The following RNF150 variants were observed in gnomAD, a reference collection of about 807,000 sequenced individuals.
The protein encoded by RNF150 is ring finger protein 150.
A neutral mutation model predicts 39.3 loss-of-function variants in RNF150; 24 were observed. The observed-to-expected ratio is 0.61, with a 90% CI of 0.44 to 0.86. The LOEUF (loss-of-function observed/expected upper bound fraction) is 0.86. Among genes scored for constraint, RNF150 ranks in the 40% least tolerant of loss-of-function variants. The pLI is 0.00. For synonymous variants in RNF150, 255 were observed against 227.3 expected, an observed-to-expected ratio of 1.12 and a Z score of -1.10; for missense variants, 502 against 587.8, an observed-to-expected ratio of 0.85 and a Z score of 1.51.
At chr4:141,071,662 A>G (rs947593258) in intron 1 of RNF150, among the ~76,000 whole-genome samples, 1 of 152,158 alleles carries the variant, frequency 6.6e-6, no homozygotes, top group African/African-American at 2.4e-5. Context: ...ACAACATCCT[A>G]TGACTCTTGA....
At chr4:141,137,601 A>G (rs886118389), upstream of RNF150, among the ~76,000 whole-genome samples, 28 of 152,196 alleles carry the variant, frequency 1.8e-4, no homozygotes, top group African/African-American at 6.8e-4. Flanking sequence ...GAAAGAATCG[A>G]GAGTTTGGAC....
chr4:141,076,878 G>C (rs1507175), intron 1 of RNF150, among the ~76,000 whole-genome samples: 114,945 of 151,990 alleles, frequency 0.76, 44,941 homozygotes, highest in Non-Finnish European at 0.87. Context: ...GCAGTTTCTC[G>C]CATGGTCTAG....
intron 1 of RNF150, among the ~76,000 whole-genome samples, chr4:141,073,649 T>C (rs1241288866): frequency 8.4e-6 from 1 of 118,726 alleles, no homozygotes; most frequent in Non-Finnish European, 1.9e-5. Context: ...CAGCAATTAA[T>C]ACAATATCAA....
intron 1 of RNF150, among the ~76,000 whole-genome samples, chr4:141,177,250 A>T (rs1009345719): frequency 3.3e-5 from 5 of 151,996 alleles, no homozygotes; most frequent in Admixed American, 1.3e-4. Flanking sequence ...TGTATTTCAG[A>T]TTCCTTCCAG....
chr4:141,190,380 T>C (rs900362712), intron 1 of RNF150, among the ~76,000 whole-genome samples: 5 of 152,204 alleles, frequency 3.3e-5, no homozygotes, highest in African/African-American at 9.7e-5. Flanking sequence ...AGTCTTCTCC[T>C]GGCTTTGAAA....
intron 5 of RNF150, among the ~76,000 whole-genome samples, chr4:140,918,414 A>G (rs1730942853): frequency 6.6e-6 from 1 of 152,240 alleles, no homozygotes; most frequent in Non-Finnish European, 1.5e-5. Context: ...ACCTCTACAC[A>G]AATAAACTAG....
intron 1 of RNF150, among the ~76,000 whole-genome samples, chr4:141,030,128 A>T (rs1029954355): frequency 7.2e-5 from 11 of 151,984 alleles, no homozygotes; most frequent in Admixed American, 2.0e-4. Flanking sequence ...CAGGAGGCAG[A>T]GCTTGCAGTG....
chr4:141,177,445 A>G (rs1727832645), intron 1 of RNF150, among the ~76,000 whole-genome samples: 1 of 147,758 alleles, frequency 6.8e-6, no homozygotes, highest in African/African-American at 2.5e-5. Context: ...AACATTTTAG[A>G]TATTTGAAAA....
At chr4:140,889,790 A>G (rs1213721012) in intron 6 of RNF150, among the ~76,000 whole-genome samples, 1 of 151,980 alleles carries the variant, frequency 6.6e-6, no homozygotes, top group African/African-American at 2.4e-5. Flanking sequence ...CCTCATTTTC[A>G]TTTTATTTTT....
At chr4:140,918,492 T>G (rs772745534) in intron 5 of RNF150, among the ~76,000 whole-genome samples, 2 of 152,146 alleles carry the variant, frequency 1.3e-5, no homozygotes, top group Non-Finnish European at 2.9e-5. Context: ...CAGGAAGAAG[T>G]TGAATCTCTG....
intron 5 of RNF150, among the ~76,000 whole-genome samples, chr4:140,913,951 G>C (rs796612252): frequency 3.3e-5 from 5 of 152,216 alleles, no homozygotes; most frequent in African/African-American, 7.2e-5. Flanking sequence ...AAAACTAACT[G>C]TGGGAGAGGT....
At chr4:141,058,174 A>C (rs1737065628) in intron 1 of RNF150, among the ~76,000 whole-genome samples, 1 of 152,198 alleles carries the variant, frequency 6.6e-6, no homozygotes, top group South Asian at 2.1e-4. Context: ...GAATTGTGTT[A>C]TTAAAGTAAA....
intron 4 of RNF150, among the ~76,000 whole-genome samples, chr4:140,943,881 A>G: frequency 6.6e-6 from 1 of 152,228 alleles, no homozygotes; most frequent in East Asian, 1.9e-4. Flanking sequence ...AGAAACTAGT[A>G]TCTTCCCTAA....
chr4:141,020,869 G>A (rs906111488), intron 1 of RNF150, among the ~76,000 whole-genome samples: 5 of 152,120 alleles, frequency 3.3e-5, no homozygotes, highest in Admixed American at 6.6e-5. Flanking sequence ...TGCATTGGAC[G>A]TGAAAATAAA....
intron 1 of RNF150, among the ~76,000 whole-genome samples, chr4:141,009,124 C>T (rs1436948789): frequency 2.6e-5 from 4 of 152,048 alleles, no homozygotes; most frequent in African/African-American, 4.8e-5. Context: ...TTATCAAGAA[C>T]GTGGAGCAAC....
At chr4:141,143,753 A>G (rs1046512085) in intron 1 of RNF150, among the ~76,000 whole-genome samples, 1 of 152,056 alleles carries the variant, frequency 6.6e-6, no homozygotes. Flanking sequence ...ACATGCAACA[A>G]GCTTTGGTTC....
At chr4:140,945,591 T>TATAC (rs1246939020) in intron 4 of RNF150, among the ~76,000 whole-genome samples, 3 of 144,570 alleles carry the variant, frequency 2.1e-5, no homozygotes, top group Non-Finnish European at 1.5e-5. Context: ...ATACTACATA[T>TATAC]ATACATATAT....
intron 1 of RNF150, among the ~76,000 whole-genome samples, chr4:141,046,044 T>A (rs1395528118): frequency 2.6e-5 from 4 of 152,078 alleles, no homozygotes; most frequent in Non-Finnish European, 5.9e-5. Flanking sequence ...AAAAATGACG[T>A]CATAGGAAAG....
At chr4:140,931,359 A>AT (rs771935729) in intron 4 of RNF150, among the ~76,000 whole-genome samples, 1 of 152,236 alleles carries the variant, frequency 6.6e-6, no homozygotes, top group Non-Finnish European at 1.5e-5. Context: ...CAGGCTTATT[A>AT]TTAATTCACA....
Sources: allele counts gnomAD v4.1 joint callset (sites outside exome capture counted in the v4.1 genomes callset), GRCh38; gene constraint gnomAD v4.1.1; transcripts MANE v1.5; gene names NCBI Gene and HGNC (gene_info 2026-07-23, HGNC 2026-07-21).